Variants in CSF3R observed in about 807,000 individuals in gnomAD.
CSF3R encodes colony stimulating factor 3 receptor.
A neutral mutation model predicts 84.4 loss-of-function variants in CSF3R; 52 were observed. That is an observed-to-expected ratio of 0.62 (90% confidence interval 0.49 to 0.78). CSF3R has a LOEUF of 0.78. Among genes scored for constraint, CSF3R ranks in the 30% least tolerant of loss-of-function variants. CSF3R has a pLI of 0.00. For missense variants in CSF3R, 890 were observed against 1,055.7 expected, an observed-to-expected ratio of 0.84 and a Z score of 2.17; for synonymous variants, 384 against 429.1, an observed-to-expected ratio of 0.89 and a Z score of 1.30.
intron 3 of CSF3R, chr1:36,477,194 C>A (rs1452575388): frequency 5.3e-5 from 8 of 152,170 alleles, no homozygotes; most frequent in Non-Finnish European, 1.0e-4. Context: ...GGCCAGCAGA[C>A]CTTGGCTGTT....
chr1:36,474,251 G>A (rs894290527), intron 4 of CSF3R, among the ~76,000 whole-genome samples: 1 of 152,160 alleles, frequency 6.6e-6, no homozygotes, highest in Non-Finnish European at 1.5e-5. Context: ...ATCCTCATCT[G>A]TAAAATGGGG....
intron 6 of CSF3R, 62 bp downstream of exon 6, chr1:36,473,373 C>T (rs1446189746): frequency 2.7e-5 from 42 of 1,580,252 alleles, no homozygotes; most frequent in Non-Finnish European, 3.5e-5. Flanking sequence ...CTGTGTTTCC[C>T]TCTCCATTCC....
intron 6 of CSF3R, chr1:36,473,166 A>C: frequency 1.8e-6 from 1 of 541,242 alleles, no homozygotes; most frequent in South Asian, 2.2e-5. Flanking sequence ...TACCTAGAGC[A>C]GTGCCTAACA....
At chr1:36,482,519 G>A (rs1651595921) in intron 1 of CSF3R, among the ~76,000 whole-genome samples, 3 of 152,142 alleles carry the variant, frequency 2.0e-5, no homozygotes, top group African/African-American at 7.2e-5. Context: ...CACGTCCTGA[G>A]AGACAGAGGC....
Position 36,472,359 on chromosome 1 carries a change from A to T in CSF3R, c.876T>A (p.Tyr292Ter). 1 of 1,614,106 alleles carries T rather than the reference A, an allele frequency of 6.2e-7. No individual in the cohort carries two copies. The highest frequency in any genetic ancestry group is 8.5e-7 in the Non-Finnish European group (1 of 1,179,984). ...TGGCTGGGAGGAGCCCGCAGAGCTC[A>T]TACTGAAGGGCCTCCAAGGGGAGGG... is the stretch of plus-strand genomic sequence containing the variant. ...VGPLPLEALQ[Y>*]ELCGLLPATA... The change falls in exon 8 of 17, where the codon TAT becomes TAA. Residue 292 changes from tyrosine to a stop codon, truncating the protein, a stop_gained. Transcript: ENST00000373106. LOFTEE classifies it high-confidence loss of function. The surrounding 1 kb of genome is among the most constrained non-coding windows in gnomAD (Gnocchi z 5.0).
chr1:36,469,887 G>A, intron 10 of CSF3R, 47 bp from the exon 11 acceptor site: 1 of 1,597,276 alleles, frequency 6.3e-7, no homozygotes, highest in Non-Finnish European at 8.5e-7. Flanking sequence ...AAAGAATGCA[G>A]GCCCTTGAGC....
In CSF3R at chr1:36,466,903, G is replaced by A. The variant is rs765841487; in HGVS notation, c.2041-76C>T. 1.5e-5 allele frequency: 24 copies of A among 1,613,700 alleles called. No homozygotes were observed. Among genetic ancestry groups the A allele is most frequent in the East Asian group, 2.2e-5 (1 of 44,890 alleles). On this transcript the variant is annotated intron_variant, in intron 16 of 16. Coordinates refer to ENST00000373106, the MANE Select transcript of CSF3R (RefSeq NM_000760.4). This position sits in a 1 kb window ranked among gnomAD's most constrained non-coding sequence, Gnocchi z 4.6. Reference sequence around the variant, plus strand: ...CCAGCCACTGTCCCTGTCTGGGTCCGGGCAGCTGTGGGGACATTCAACTGT... The same window carrying A: ...CCAGCCACTGTCCCTGTCTGGGTCCAGGCAGCTGTGGGGACATTCAACTGT...
intron 11 of CSF3R, 145 bp from the exon 12 acceptor site, chr1:36,469,402 T>C: frequency 1.3e-6 from 1 of 792,478 alleles, no homozygotes; most frequent in South Asian, 1.5e-5. Context: ...GATCATTTGA[T>C]GAGAATTAGG....
chr1:36,468,960 C>T (rs907881258), intron 12 of CSF3R, 196 bp downstream of exon 12: 3 of 593,164 alleles, frequency 5.1e-6, no homozygotes, highest in Non-Finnish European at 9.1e-6. Flanking sequence ...ACTCCCTACT[C>T]AATTTCTATC....
chr1:36,473,134 TTTTGATGC>T (rs1650889436), intron 6 of CSF3R: 2 of 440,354 alleles, frequency 4.5e-6, no homozygotes, highest in Non-Finnish European at 8.2e-6. Flanking sequence ...CTGAGGGCAT[TTTTGATGC>T]TTTGTATCCC....
intron 12 of CSF3R, chr1:36,468,916 G>C: frequency 1.9e-6 from 1 of 526,254 alleles, no homozygotes; most frequent in South Asian, 2.0e-5. Context: ...GAAATGGTTT[G>C]ATTTTTGCCA....
intron 4 of CSF3R, 32 bp downstream of exon 4, chr1:36,475,345 G>A (rs778616449): frequency 6.2e-7 from 1 of 1,612,190 alleles, no homozygotes; most frequent in Non-Finnish European, 8.5e-7. Flanking sequence ...GGGTGTTGGA[G>A]GCAGAGTAGT....
rs1343238553 is a variant in CSF3R at position 36,466,872 on chromosome 1, T to G, written c.2041-45A>C. ...GTGAGAGCACGGCTCATTTCAGATG[T>G]CTGCCCCAGCCACTGTCCCTGTCTG... On this transcript the variant is annotated intron_variant, in intron 16 of 16. Transcript: ENST00000373106. This position sits in a 1 kb window ranked among gnomAD's most constrained non-coding sequence, Gnocchi z 4.6. The G allele has an allele frequency of 1.9e-6, 3 of 1,613,892 alleles. No individual in the cohort carries two copies. Among genetic ancestry groups the G allele is most frequent in the Non-Finnish European group, 2.5e-6 (3 of 1,180,008 alleles).
Position 36,467,736 on chromosome 1 carries a change from A to T in CSF3R, c.1865-85T>A. 1 of 1,612,676 alleles carries T rather than the reference A, an allele frequency of 6.2e-7. No individual in the cohort carries two copies. Among genetic ancestry groups the T allele is most frequent in the Non-Finnish European group, 8.5e-7 (1 of 1,178,616 alleles). ...CCCTCCGACCAGGGGATTCAAAGTC[A>T]GTCCCCAGCTACTCTCAAAATCAGC... On this transcript the variant is annotated intron_variant, in intron 14 of 16. Transcript: ENST00000373106. This position sits in a 1 kb window ranked among gnomAD's most constrained non-coding sequence, Gnocchi z 4.1.
intron 3 of CSF3R, among the ~76,000 whole-genome samples, chr1:36,476,546 C>T (rs1310010912): frequency 6.6e-6 from 1 of 152,238 alleles, no homozygotes; most frequent in Non-Finnish European, 1.5e-5. Context: ...CTCTCAGCTC[C>T]AGCTATTCTG....
chr1:36,482,215 CAG>C (rs1236419574), intron 1 of CSF3R, among the ~76,000 whole-genome samples: 1 of 150,374 alleles, frequency 6.7e-6, no homozygotes, highest in Admixed American at 6.7e-5. Flanking sequence ...ACTGAAACGA[CAG>C]AGAGACTCGC....
chr1:36,479,136 GCATAGGACC>G lies in CSF3R; in HGVS notation c.64+288_64+296del. The G allele has an allele frequency of 3.6e-5, 17 of 469,994 alleles. 1 individual carries two copies. The highest frequency in any genetic ancestry group is 3.4e-4 in the South Asian group (17 of 50,368). 29.1% of individuals were successfully genotyped at this position (469,994 alleles called of 1,614,324 possible). ...GATCCCTTTGCTGCCCACCAAGGCT[GCATAGGACC>G]CATGGGTTGCTTCTGACAGCTTGGT... On this transcript the variant is annotated intron_variant, in intron 3 of 16. Transcript: ENST00000373106.
intron 4 of CSF3R, among the ~76,000 whole-genome samples, chr1:36,474,651 T>C (rs1651009174): frequency 6.6e-6 from 1 of 151,998 alleles, no homozygotes; most frequent in Non-Finnish European, 1.5e-5. Context: ...CGGTCTTTGT[T>C]TTTTCCTTAT....
In CSF3R at chr1:36,472,607, C is replaced by A. The variant is rs777242294; in HGVS notation, c.753G>T (p.Leu251=). The part of the protein sequence containing the change: ...AAPPQAGCLQ[L]CWEPWQPGLH... The stretch of plus-strand genomic sequence containing the variant: ...GGCCTGGCTGCCATGGCTCCCAGCA[C>A]AGCTGTAGGCAGCCTGCCTGGGGAG... Residue 251 remains leucine (L), a synonymous_variant, in exon 7 of 17, where the codon CTG becomes CTT. Transcript: ENST00000373106. This position sits in a 1 kb window ranked among gnomAD's most constrained non-coding sequence, Gnocchi z 5.0. The A allele has an allele frequency of 1.9e-6, 3 of 1,613,340 alleles. No homozygotes were observed. In the South Asian group the frequency reaches 3.3e-5, roughly 18 times the overall value.
Sources: gnomAD v4.1 joint callset for allele counts (sites outside exome capture counted in the v4.1 genomes callset) on GRCh38, gnomAD v4.1.1 for gene constraint, Gnocchi (gnomAD v3.1) non-coding constraint, MANE v1.5 for transcripts, NCBI Gene and HGNC (gene_info 2026-07-23, HGNC 2026-07-21) for gene names.